MARCHF1: variants seen among roughly 807,000 people sequenced by gnomAD.
The protein encoded by MARCHF1 is E3 ubiquitin-protein ligase MARCHF1.
A neutral mutation model predicts 54.2 loss-of-function variants in MARCHF1; 40 were observed. That is an observed-to-expected ratio of 0.74 (90% CI 0.57 to 0.96). The LOEUF (loss-of-function observed/expected upper bound fraction) is 0.96, where lower values mean the gene tolerates loss of function less well. MARCHF1 is among the 40% of genes least tolerant of loss of function. The pLI is 0.00. For synonymous variants in MARCHF1, 236 were observed against 236.3 expected (o/e 1.00, Z 0.01); for missense variants, 586 against 656.5 (o/e 0.89, Z 1.17).
At chr4:163,622,087 G>A (rs1489889353) in intron 5 of MARCHF1, among the ~76,000 whole-genome samples, 1 of 152,092 alleles carries the variant, frequency 6.6e-6, no homozygotes, top group Non-Finnish European at 1.5e-5. Context: ...TCTGGGTTGT[G>A]TAAAAGGCAG....
chr4:163,554,672 G>A (rs902879028), intron 8 of MARCHF1, among the ~76,000 whole-genome samples: 4 of 152,154 alleles, frequency 2.6e-5, no homozygotes, highest in Admixed American at 1.3e-4. Flanking sequence ...CTCTTGTATA[G>A]AGTTTGCTGG....
chr4:163,554,228 G>T lies in MARCHF1; in HGVS notation c.1192-8485C>A, dbSNP rs947936569. On this transcript the variant is annotated intron_variant, in intron 8 of 9. Coordinates refer to ENST00000514618, the MANE Select transcript of MARCHF1 (RefSeq NM_001394959.1). ...AAAGTAATAGTAAGAGATATATATT[G>T]TACTGATATGCTTGTCACGTTAGTT... Among the ~76,000 whole-genome samples, 81 of 152,176 alleles carry T rather than the reference G, an allele frequency of 5.3e-4. 3 individuals are homozygous for T. Among genetic ancestry groups the T allele is most frequent in the Non-Finnish European group, 5.9e-5 (4 of 68,032 alleles).
chr4:163,636,176 A>T (rs1215901389), intron 5 of MARCHF1, among the ~76,000 whole-genome samples: 2 of 152,170 alleles, frequency 1.3e-5, no homozygotes, highest in East Asian at 1.9e-4. Context: ...TCCGTTTGAA[A>T]ACCGGCACAA....
intron 3 of MARCHF1, among the ~76,000 whole-genome samples, chr4:163,954,175 T>C (rs1752188000): frequency 1.3e-5 from 2 of 152,152 alleles, no homozygotes; most frequent in African/African-American, 4.8e-5. Flanking sequence ...TATTAAAATT[T>C]CCCTTAAAAT....
At position 163,620,463 on chromosome 4, in the gene MARCHF1, T is replaced by G. The variant is rs568415502; in HGVS notation, c.163-7070A>C. Among the ~76,000 whole-genome samples, 10 of 152,182 alleles carry G rather than the reference T, an allele frequency of 6.6e-5. No individual in the cohort carries two copies. The East Asian group carries it at 1.9e-3, about 29-fold the overall frequency. On this transcript the variant is annotated intron_variant, in intron 5 of 9. Coordinates refer to ENST00000514618, the MANE Select transcript of MARCHF1 (RefSeq NM_001394959.1). The stretch of plus-strand genomic sequence containing the variant: ...TTGTCCAAAGATATATTTACAAGAT[T>G]GTTCATTACAGCATTATCTGTAATA...
chr4:163,941,302 T>C (rs1358819874), intron 3 of MARCHF1, among the ~76,000 whole-genome samples: 2 of 151,836 alleles, frequency 1.3e-5, no homozygotes, highest in African/African-American at 4.8e-5. Context: ...TTCAGGAAGG[T>C]GTTAGGATTG....
At chr4:163,753,490 TTGTC>T (rs1469244513) in intron 4 of MARCHF1, among the ~76,000 whole-genome samples, 2 of 152,114 alleles carry the variant, frequency 1.3e-5, no homozygotes, top group African/African-American at 4.8e-5. Flanking sequence ...TCATGGAAAG[TTGTC>T]TGTAGGAGAG....
At chr4:164,188,576 C>A in intron 1 of MARCHF1, 1 of 793,670 alleles carries the variant, frequency 1.3e-6, no homozygotes, top group Non-Finnish European at 2.3e-6. Context: ...GTCCTATGTG[C>A]CCTTCACTCT....
intron 3 of MARCHF1, among the ~76,000 whole-genome samples, chr4:163,859,284 G>T (rs969835682): frequency 1.3e-5 from 2 of 151,908 alleles, no homozygotes; most frequent in African/African-American, 2.4e-5. Flanking sequence ...AAGGTGGCAT[G>T]ATGGTGAATG....
At chr4:164,199,132 C>G (rs1731366322) in intron 1 of MARCHF1, among the ~76,000 whole-genome samples, 1 of 149,884 alleles carries the variant, frequency 6.7e-6, no homozygotes, top group African/African-American at 2.4e-5. Context: ...AGCAAGAACA[C>G]TGAGACAATT....
At chr4:163,703,256 T>C (rs186148097) in intron 4 of MARCHF1, among the ~76,000 whole-genome samples, 123 of 152,212 alleles carry the variant, frequency 8.1e-4, no homozygotes, top group African/African-American at 3.0e-3. Flanking sequence ...ACATCTTATT[T>C]TCTATATCTT....
At chr4:164,315,156 T>C (rs1181072562) in intron 1 of MARCHF1, among the ~76,000 whole-genome samples, 2 of 149,364 alleles carry the variant, frequency 1.3e-5, no homozygotes, top group Non-Finnish European at 3.0e-5. Context: ...TCGGATCTCA[T>C]TAAAACCAAG....
chr4:164,267,770 A>G (rs1336855421), intron 1 of MARCHF1, among the ~76,000 whole-genome samples: 3 of 152,176 alleles, frequency 2.0e-5, no homozygotes, highest in Non-Finnish European at 4.4e-5. Flanking sequence ...AATTAAAAAA[A>G]TAAATAAAAT....
intron 5 of MARCHF1, among the ~76,000 whole-genome samples, chr4:163,628,835 A>G (rs1269073313): frequency 6.6e-6 from 1 of 152,202 alleles, no homozygotes; most frequent in African/African-American, 2.4e-5. Flanking sequence ...TAGGAATACA[A>G]CTTACAAGGG....
At chr4:164,015,101 C>T (rs1394434135) in intron 2 of MARCHF1, among the ~76,000 whole-genome samples, 2 of 152,124 alleles carry the variant, frequency 1.3e-5, no homozygotes, top group African/African-American at 4.8e-5. Flanking sequence ...AGCATAAAAA[C>T]AGATGCCTCA....
At chr4:163,609,607 C>CTGTG (rs34278549) in intron 7 of MARCHF1, among the ~76,000 whole-genome samples, 4 of 148,866 alleles carry the variant, frequency 2.7e-5, no homozygotes, top group Non-Finnish European at 4.5e-5. Flanking sequence ...AAAGGTCTTT[C>CTGTG]TGTGTGTGTG....
At chr4:164,352,464 C>G (rs1455829771) in intron 1 of MARCHF1, among the ~76,000 whole-genome samples, 2 of 143,216 alleles carry the variant, frequency 1.4e-5, no homozygotes, top group East Asian at 4.7e-4. Context: ...ATTCAACATT[C>G]TTAAAGAAAA....
intron 1 of MARCHF1, among the ~76,000 whole-genome samples, chr4:164,132,249 C>T (rs1756316365): frequency 6.6e-6 from 1 of 152,192 alleles, no homozygotes; most frequent in South Asian, 2.1e-4. Flanking sequence ...CATTTGTTTG[C>T]TTTTAGCCTC....
chr4:163,748,285 C>T (rs903840668), intron 4 of MARCHF1, among the ~76,000 whole-genome samples: 1 of 151,884 alleles, frequency 6.6e-6, no homozygotes, highest in Non-Finnish European at 1.5e-5. Context: ...CCACAGATGA[C>T]TGAGTGAGAA....
Sources: gnomAD v4.1 joint callset for allele counts (sites outside exome capture counted in the v4.1 genomes callset) on GRCh38, gnomAD v4.1.1 for gene constraint, MANE v1.5 for transcripts, NCBI Gene and HGNC (gene_info 2026-07-23, HGNC 2026-07-21) for gene names.